ULK4: variants seen among roughly 807,000 people sequenced by gnomAD.
ULK4 encodes inactive serine/threonine-protein kinase ULK4.
Under a neutral mutation model 160.6 loss-of-function variants are expected in ULK4, and 133 were observed. The ratio of observed to expected loss-of-function variants is 0.83; its 90% confidence interval spans 0.72 to 0.96. ULK4 has a LOEUF of 0.96. Among genes scored for constraint, ULK4 ranks in the 40% least tolerant of loss-of-function variants. The probability of loss-of-function intolerance (pLI) is 0.00; values close to 1 mark genes in which losing one functional copy is unlikely to be tolerated. For missense variants in ULK4, 1,580 were observed against 1,499.5 expected, an observed-to-expected ratio of 1.05 and a Z score of -0.89; for synonymous variants, 534 against 539.8, an observed-to-expected ratio of 0.99 and a Z score of 0.15.
At chr3:41,849,546 CTG>C (rs2042157093) in intron 17 of ULK4, among the ~76,000 whole-genome samples, 1 of 152,170 alleles carries the variant, frequency 6.6e-6, no homozygotes, top group Non-Finnish European at 1.5e-5. Flanking sequence ...TGAAAATACT[CTG>C]TATTATACTA....
At chr3:41,752,740 T>A (rs2038674153) in intron 22 of ULK4, among the ~76,000 whole-genome samples, 1 of 152,166 alleles carries the variant, frequency 6.6e-6, no homozygotes, top group South Asian at 2.1e-4. Flanking sequence ...ACATTAAAAA[T>A]CAGCACTAAG....
At chr3:41,328,664 T>C (rs1330895666) in intron 35 of ULK4, among the ~76,000 whole-genome samples, 1 of 152,172 alleles carries the variant, frequency 6.6e-6, no homozygotes, top group East Asian at 1.9e-4. Flanking sequence ...TGAAAGGTGC[T>C]GAGCTTCCTG....
intron 30 of ULK4, among the ~76,000 whole-genome samples, chr3:41,660,928 T>C (rs1290652653): frequency 1.3e-5 from 2 of 152,216 alleles, no homozygotes; most frequent in Non-Finnish European, 2.9e-5. Context: ...TCAAACTGTA[T>C]CTTGCCTTTT....
chr3:41,586,706 A>T (rs1171880832), intron 31 of ULK4, among the ~76,000 whole-genome samples: 1 of 152,168 alleles, frequency 6.6e-6, no homozygotes, highest in African/African-American at 2.4e-5. Context: ...AATATGTTAA[A>T]TGACATATGA....
chr3:41,800,721 C>T (rs531734330), intron 19 of ULK4, among the ~76,000 whole-genome samples: 3 of 152,242 alleles, frequency 2.0e-5, no homozygotes, highest in African/African-American at 7.2e-5. Flanking sequence ...GAGCACCGAT[C>T]AATCAGAGTG....
chr3:41,298,565 A>C (rs1269297313), intron 35 of ULK4, among the ~76,000 whole-genome samples: 1 of 152,238 alleles, frequency 6.6e-6, no homozygotes, highest in South Asian at 2.1e-4. Context: ...CAAGAAATAC[A>C]GGTCTCAGCT....
intron 35 of ULK4, among the ~76,000 whole-genome samples, chr3:41,285,258 A>G (rs2079435026): frequency 1.3e-5 from 2 of 152,234 alleles, no homozygotes; most frequent in Admixed American, 6.5e-5. Context: ...AGAGGGAAAT[A>G]AGTCATTATA....
chr3:41,814,785 A>G (rs1299081835), intron 19 of ULK4, among the ~76,000 whole-genome samples: 2 of 152,140 alleles, frequency 1.3e-5, no homozygotes, highest in Non-Finnish European at 2.9e-5. Context: ...TGATAATAAT[A>G]TAGCTAACCA....
chr3:41,672,729 A>T (rs1303247063), intron 29 of ULK4, among the ~76,000 whole-genome samples: 1 of 152,224 alleles, frequency 6.6e-6, no homozygotes. Context: ...AGAAATGCTA[A>T]ATACTTGGGT....
At chr3:41,440,776 G>C (rs576717739) in intron 34 of ULK4, among the ~76,000 whole-genome samples, 66 of 152,116 alleles carry the variant, frequency 4.3e-4, no homozygotes, top group African/African-American at 1.3e-3. Flanking sequence ...TCTGGCACTG[G>C]AGGCTTCCTT....
chr3:41,865,611 G>A (rs1427826146), intron 17 of ULK4, among the ~76,000 whole-genome samples: 5 of 152,092 alleles, frequency 3.3e-5, no homozygotes, highest in African/African-American at 9.6e-5. Context: ...TTGGCCCATC[G>A]GAAAGTTCCA....
chr3:41,700,920 T>G (rs2036652954), intron 27 of ULK4, among the ~76,000 whole-genome samples: 1 of 152,020 alleles, frequency 6.6e-6, no homozygotes, highest in African/African-American at 2.4e-5. Context: ...TTTCTAGCAA[T>G]GACAGACTTC....
chr3:41,824,000 T>C (rs996659366), intron 18 of ULK4, among the ~76,000 whole-genome samples: 2 of 151,918 alleles, frequency 1.3e-5, no homozygotes, highest in African/African-American at 4.8e-5. Context: ...CCATTTCTAC[T>C]AAAAATACAA....
intron 29 of ULK4, among the ~76,000 whole-genome samples, chr3:41,664,400 T>C (rs1229220267): frequency 6.6e-6 from 1 of 152,058 alleles, no homozygotes; most frequent in African/African-American, 2.4e-5. Context: ...CCTTATGTCC[T>C]CTGTCTTCCA....
rs376323769 is a variant in ULK4, at chr3:41,759,449, T to C, written c.2194-4961A>G. The stretch of plus-strand genomic sequence containing the variant: ...CCTAACAAAACATCTACAGAATCTG[T>C]ACATTAAAAATTCTAAAATAGTGAT... On this transcript the variant is annotated intron_variant, in intron 21 of 36. Transcript: ENST00000301831. Among the ~76,000 whole-genome samples, 4 of 152,174 alleles carry C rather than the reference T, an allele frequency of 2.6e-5. No homozygotes were observed. The South Asian group carries it at 6.2e-4, about 24-fold the overall frequency.
chr3:41,386,211 C>T (rs969690290), intron 35 of ULK4, among the ~76,000 whole-genome samples: 1 of 152,132 alleles, frequency 6.6e-6, no homozygotes, highest in Non-Finnish European at 1.5e-5. Context: ...ATTGATAACT[C>T]TTATATATAC....
chr3:41,913,053 T>G, intron 8 of ULK4, 154 bp from the exon 9 acceptor site: 1 of 619,114 alleles, frequency 1.6e-6, no homozygotes, highest in South Asian at 2.2e-5. Flanking sequence ...TGTATGCTAT[T>G]AACCTCTTTT....
Position 41,261,617 on chromosome 3 carries a change from C to T in ULK4, c.3679-12043G>A, listed in dbSNP as rs141906185. Reference sequence around the variant, plus strand: ...GTATAAATGGCTTGCACTGCTCTGCCGGCCATCTCTTGTAAATTGCATAGC... The same window carrying T: ...GTATAAATGGCTTGCACTGCTCTGCTGGCCATCTCTTGTAAATTGCATAGC... On this transcript the variant is annotated intron_variant, in intron 35 of 36. Transcript: ENST00000301831. Among the ~76,000 whole-genome samples, 1,040 of 152,290 alleles carry T rather than the reference C, an allele frequency of 6.8e-3. 9 individuals are homozygous for T. Among genetic ancestry groups the T allele is most frequent in the African/African-American group, 0.024 (995 of 41,558 alleles).
At chr3:41,250,601 T>C (rs1160509785) in intron 35 of ULK4, among the ~76,000 whole-genome samples, 3 of 152,228 alleles carry the variant, frequency 2.0e-5, no homozygotes, top group Non-Finnish European at 2.9e-5. Flanking sequence ...GGCTGGATTA[T>C]TGTCTCCTTA....
Sources: gnomAD v4.1 joint callset for allele counts (sites outside exome capture counted in the v4.1 genomes callset) on GRCh38, gnomAD v4.1.1 for gene constraint, MANE v1.5 for transcripts, NCBI Gene and HGNC (gene_info 2026-07-23, HGNC 2026-07-21) for gene names.